Variants in SHROOM2 observed in about 807,000 individuals in gnomAD.
The protein encoded by SHROOM2 is shroom family member 2.
In SHROOM2, 33 loss-of-function variants were observed where a neutral mutation model predicts 75.9. The ratio of observed to expected loss-of-function variants is 0.43; its 90% CI spans 0.33 to 0.58. The LOEUF (loss-of-function observed/expected upper bound fraction) is 0.58. Among genes scored for constraint, SHROOM2 ranks in the 20% least tolerant of loss-of-function variants. The pLI, the probability that SHROOM2 is intolerant of heterozygous loss-of-function variation, is 0.04. For synonymous variants in SHROOM2, 655 were observed against 663.6 expected (o/e 0.99, Z 0.20); for missense variants, 1,434 against 1,461.2 (o/e 0.98, Z 0.30).
chrX:9,923,779 A>G (rs1318838272), intron 5 of SHROOM2, among the ~76,000 whole-genome samples: 1 of 112,416 alleles, frequency 8.9e-6, no homozygotes, highest in African/African-American at 3.2e-5. Context: ...AAATCTAGGC[A>G]GGTTCTGTTA....
intron 2 of SHROOM2, among the ~76,000 whole-genome samples, chrX:9,875,812 C>A (rs536358933): frequency 8.9e-6 from 1 of 112,557 alleles, no homozygotes; most frequent in African/African-American, 3.2e-5. Context: ...TTTGCATTTC[C>A]GTAGTTATGG....
At chrX:9,846,464 T>C (rs1004150218) in intron 1 of SHROOM2, among the ~76,000 whole-genome samples, 1 of 111,028 alleles carries the variant, frequency 9.0e-6, no homozygotes, top group Admixed American at 9.5e-5. Context: ...CCAGATAATT[T>C]TTTTGTATTT....
At chrX:9,793,298 C>CT (rs372570871) in intron 1 of SHROOM2, among the ~76,000 whole-genome samples, 2,236 of 101,528 alleles carry the variant, frequency 0.022, 67 homozygotes, top group African/African-American at 0.069. Context: ...TTTTTCCACT[C>CT]TTTTTTTTTT....
intron 5 of SHROOM2, among the ~76,000 whole-genome samples, chrX:9,928,659 C>G (rs2084617984): frequency 9.0e-6 from 1 of 111,087 alleles, no homozygotes; most frequent in Admixed American, 9.6e-5. Context: ...GGCACACATA[C>G]CCACACACGC....
At chrX:9,836,357 C>T (rs984688242) in intron 1 of SHROOM2, among the ~76,000 whole-genome samples, 1 of 111,444 alleles carries the variant, frequency 9.0e-6, no homozygotes, top group Admixed American at 9.5e-5. Flanking sequence ...CAGCGCTCAA[C>T]AGATAGGAAC....
rs369304158 is a variant in SHROOM2 at position 9,887,091 on chromosome X, C to G, written c.318-3886C>G. Among the ~76,000 whole-genome samples the G allele has an allele frequency of 9.3e-4, 105 of 112,441 alleles. 1 individual carries two copies. The South Asian group carries it at 0.038, about 40-fold the overall frequency. On this transcript the variant is annotated intron_variant, in intron 2 of 9. Transcript: ENST00000380913. ...TGGTCACTGCCTTATTCATTTGCAA[C>G]ACTGAATTAATTCTTATTTTAGCCT...
intron 1 of SHROOM2, among the ~76,000 whole-genome samples, chrX:9,860,303 C>T: frequency 8.9e-6 from 1 of 112,149 alleles, no homozygotes; most frequent in Non-Finnish European, 1.9e-5. Flanking sequence ...ATCTATTGGA[C>T]ATTTGGGTAA....
intron 5 of SHROOM2, among the ~76,000 whole-genome samples, chrX:9,900,189 G>A (rs751666868): frequency 9.7e-4 from 108 of 111,043 alleles, no homozygotes; most frequent in African/African-American, 3.5e-3. Flanking sequence ...GCAATTTTCA[G>A]AATTGTTGGG....
chrX:9,832,728 G>A (rs2083923052), intron 1 of SHROOM2, among the ~76,000 whole-genome samples: 1 of 96,123 alleles, frequency 1.0e-5, no homozygotes, highest in African/African-American at 3.8e-5. Flanking sequence ...TAACGTGTGT[G>A]CAGGTTGCAG....
chrX:9,814,695 C>T (rs2083809491), intron 1 of SHROOM2, among the ~76,000 whole-genome samples: 1 of 111,550 alleles, frequency 9.0e-6, no homozygotes, highest in South Asian at 3.8e-4. Context: ...GGGATGTTGC[C>T]ATTACAGGGG....
intron 2 of SHROOM2, among the ~76,000 whole-genome samples, chrX:9,880,588 C>T (rs2084226225): frequency 8.9e-6 from 1 of 112,672 alleles, no homozygotes; most frequent in Non-Finnish European, 1.9e-5. Context: ...AGAACTGTCA[C>T]CTCAAGCCCG....
Position 9,896,212 on chromosome X carries a change from G to T in SHROOM2, c.2304G>T (p.Lys768Asn). The T allele has an allele frequency of 4.1e-6, 5 of 1,211,633 alleles. No homozygotes were observed. The South Asian group carries it at 7.0e-5, about 17-fold the overall frequency. ...QKLKSYSEPE[K>N]MNEVGLTRGY... ...TGAAGTCCTACTCGGAACCTGAGAA[G>T]ATGAACGAGGTGGGCCTCACGAGGG... The change falls in exon 4 of 10, where the codon AAG (lysine) becomes AAT (asparagine). Residue 768 changes from lysine to asparagine, a missense_variant. This residue lies in a region of SHROOM2 where 1,340 missense variants were observed against 1,338.3 expected (regional missense o/e 1.00). Coordinates refer to ENST00000380913, the MANE Select transcript of SHROOM2 (RefSeq NM_001649.4).
intron 1 of SHROOM2, among the ~76,000 whole-genome samples, chrX:9,869,037 ACCT>A (rs1426538592): frequency 3.6e-5 from 4 of 111,247 alleles, no homozygotes; most frequent in Non-Finnish European, 3.8e-5. Context: ...GCTCACTGTA[ACCT>A]CCACCTCTCA....
At chrX:9,912,198 GACACACAC>G (rs57939278) in intron 5 of SHROOM2, among the ~76,000 whole-genome samples, 589 of 16,100 alleles carry the variant, frequency 0.037, 63 homozygotes, top group African/African-American at 0.097. Flanking sequence ...TAAATTACAA[GACACACAC>G]ACACACACAC....
At chrX:9,939,393 C>G (rs749559532) in intron 8 of SHROOM2, 27 bp downstream of exon 8, 4 of 1,157,918 alleles carry the variant, frequency 3.5e-6, no homozygotes, top group Non-Finnish European at 4.6e-6. Flanking sequence ...CAAATGACAG[C>G]GTGTGCGTGT....
rs947031669 is a variant in SHROOM2 at position 9,876,924 on chromosome X, G to A, written c.317+3121G>A. On this transcript the variant is annotated intron_variant, in intron 2 of 9. Transcript: ENST00000380913. ...GCTCAAGCGATCTTCCCAAAGTGCT[G>A]GAATTACAGGCGTGAGCCGTCGCAC... Among the ~76,000 whole-genome samples the A allele has an allele frequency of 2.7e-5, 3 of 112,421 alleles. No homozygotes were observed. In the Admixed American group the frequency reaches 2.8e-4, roughly 11 times the overall value.
intron 1 of SHROOM2, among the ~76,000 whole-genome samples, chrX:9,850,927 C>A (rs73474517): frequency 1.8e-5 from 2 of 111,678 alleles, no homozygotes; most frequent in Non-Finnish European, 3.8e-5. Context: ...CACAGCCTTC[C>A]GGAAGTCAGC....
chrX:9,883,688 A>C (rs1320473294), intron 2 of SHROOM2, among the ~76,000 whole-genome samples: 1 of 110,804 alleles, frequency 9.0e-6, no homozygotes. Context: ...GCTGTGTTGC[A>C]TGCAGGGAGA....
chrX:9,838,338 G>A (rs974537701), intron 1 of SHROOM2, among the ~76,000 whole-genome samples: 3 of 110,761 alleles, frequency 2.7e-5, no homozygotes, highest in African/African-American at 9.9e-5. Flanking sequence ...GGGATTACAG[G>A]CATGAGCCAC....
Sources: gnomAD v4.1 joint callset for allele counts (sites outside exome capture counted in the v4.1 genomes callset) on GRCh38, gnomAD v4.1.1 for gene constraint, gnomAD v4.1.1 regional missense constraint, MANE v1.5 for transcripts, NCBI Gene and HGNC (gene_info 2026-07-23, HGNC 2026-07-21) for gene names.